The following UNC5C variants were observed in gnomAD, a reference collection of about 807,000 sequenced individuals.
The protein encoded by UNC5C is unc-5 netrin receptor C, also known as netrin receptor UNC5C.
In UNC5C, 47 loss-of-function variants were observed where a neutral mutation model predicts 99.8. The observed-to-expected ratio is 0.47, with a 90% CI of 0.37 to 0.60. The LOEUF is 0.60. Among genes scored for constraint, UNC5C ranks in the 20% least tolerant of loss-of-function variants. UNC5C has a pLI of 0.00. For synonymous variants in UNC5C, 487 were observed against 452.2 expected (o/e 1.08, Z -0.98); for missense variants, 1,062 against 1,165.9 (o/e 0.91, Z 1.30).
chr4:95,307,683 G>T (rs1222405242), intron 2 of UNC5C, among the ~76,000 whole-genome samples: 1 of 152,018 alleles, frequency 6.6e-6, no homozygotes, highest in Non-Finnish European at 1.5e-5. Context: ...AAAAGTACAG[G>T]CCAATAACCC....
chr4:95,501,027 A>C (rs1345453991), intron 1 of UNC5C, among the ~76,000 whole-genome samples: 1 of 152,146 alleles, frequency 6.6e-6, no homozygotes, highest in Non-Finnish European at 1.5e-5. Context: ...GTGTTAATAA[A>C]TATTTGTAGA....
chr4:95,505,959 T>A (rs902123428), intron 1 of UNC5C, among the ~76,000 whole-genome samples: 2 of 152,144 alleles, frequency 1.3e-5, no homozygotes, highest in African/African-American at 4.8e-5. Flanking sequence ...TCTAAAGGGT[T>A]TTTTTTATTG....
Position 95,326,079 on chromosome 4 carries a change from CAA to C in UNC5C, c.346+9329_346+9330del, listed in dbSNP as rs149999978. On this transcript the variant is annotated intron_variant, in intron 2 of 15. Transcript: ENST00000453304. ...CACTTCCTCATTAAGTGATTTGAGG[CAA>C]GTTTGTTTCTTCATCCTGCAGAGCC... is the stretch of plus-strand genomic sequence containing the variant. 1.5e-3 allele frequency among the ~76,000 whole-genome samples: 233 copies of C among 152,194 alleles called. 3 individuals are homozygous for C. In the East Asian group the frequency reaches 0.032, roughly 21 times the overall value.
rs576956182 is a variant in UNC5C, at chr4:95,252,617, C to A, written c.595-1950G>T. Among the ~76,000 whole-genome samples, 8 of 152,238 alleles carry A rather than the reference C, an allele frequency of 5.3e-5. No individual in the cohort carries two copies. In the South Asian group the frequency reaches 1.2e-3, roughly 24 times the overall value. ...CTGCAGCTACATCCTTGAGACTGGACCTGAATTGACACTATTATAAATGGA... is the reference window on the plus strand; with the variant it reads ...CTGCAGCTACATCCTTGAGACTGGAACTGAATTGACACTATTATAAATGGA... On this transcript the variant is annotated intron_variant, in intron 4 of 15. Transcript: ENST00000453304.
intron 1 of UNC5C, among the ~76,000 whole-genome samples, chr4:95,360,875 A>T (rs1327157217): frequency 6.6e-6 from 1 of 152,220 alleles, no homozygotes; most frequent in Non-Finnish European, 1.5e-5. Flanking sequence ...GAAAGTAATT[A>T]CAAGGTTTTC....
At chr4:95,541,166 C>T (rs1369359147) in intron 1 of UNC5C, among the ~76,000 whole-genome samples, 1 of 152,132 alleles carries the variant, frequency 6.6e-6, no homozygotes, top group Non-Finnish European at 1.5e-5. Context: ...TCTGCAGTTT[C>T]AATTACCTGA....
intron 9 of UNC5C, among the ~76,000 whole-genome samples, chr4:95,216,776 T>G (rs982444079): frequency 6.6e-6 from 1 of 152,244 alleles, no homozygotes; most frequent in Admixed American, 6.5e-5. Flanking sequence ...TCGGTGCCCT[T>G]TGGCAGAACT....
intron 4 of UNC5C, among the ~76,000 whole-genome samples, chr4:95,261,895 G>C (rs1239906491): frequency 6.6e-6 from 1 of 152,082 alleles, no homozygotes; most frequent in Non-Finnish European, 1.5e-5. Context: ...ACTAGAGATG[G>C]GGTTTCACCG....
At chr4:95,454,682 T>G (rs887822112) in intron 1 of UNC5C, among the ~76,000 whole-genome samples, 1 of 152,016 alleles carries the variant, frequency 6.6e-6, no homozygotes, top group South Asian at 2.1e-4. Context: ...AGGAGTACTA[T>G]AAAATTAGCT....
intron 2 of UNC5C, among the ~76,000 whole-genome samples, chr4:95,329,825 A>T (rs976723430): frequency 6.6e-6 from 1 of 152,082 alleles, no homozygotes; most frequent in African/African-American, 2.4e-5. Context: ...TTCCTGTAAG[A>T]CTTATAGATT....
chr4:95,401,205 C>T (rs1284934535), intron 1 of UNC5C, among the ~76,000 whole-genome samples: 1 of 152,116 alleles, frequency 6.6e-6, no homozygotes, highest in African/African-American at 2.4e-5. Context: ...ATGTGCAATA[C>T]AGGAGGCATA....
intron 1 of UNC5C, among the ~76,000 whole-genome samples, chr4:95,349,478 G>T (rs1398465062): frequency 6.7e-6 from 1 of 150,066 alleles, no homozygotes; most frequent in Non-Finnish European, 1.5e-5. Context: ...TGGGGAAAAG[G>T]ACTGGAGGGC....
intron 1 of UNC5C, among the ~76,000 whole-genome samples, chr4:95,382,345 C>T (rs894219950): frequency 2.6e-5 from 4 of 151,586 alleles, no homozygotes; most frequent in African/African-American, 4.8e-5. Context: ...TAGTGGCATG[C>T]GCATGTACTC....
At chr4:95,245,340 A>T (rs1739465365) in intron 5 of UNC5C, among the ~76,000 whole-genome samples, 196 bp from the exon 6 acceptor site, 2 of 152,218 alleles carry the variant, frequency 1.3e-5, no homozygotes, top group Admixed American at 6.5e-5. Context: ...AGAGAAAAAA[A>T]AAAGTTTGTC....
intron 1 of UNC5C, among the ~76,000 whole-genome samples, chr4:95,540,404 T>C (rs1219053062): frequency 6.6e-6 from 1 of 152,196 alleles, no homozygotes. Flanking sequence ...AATGGGCTTC[T>C]GTTTTCCACC....
In UNC5C at chr4:95,163,300, C is replaced by A. The variant is rs1000140463; in HGVS notation, c.*5934G>T. On this transcript the variant is annotated 3_prime_UTR_variant, in exon 16 of 16. Transcript: ENST00000453304. ...GGATAGAAAAGGCAAAGGTATTTTA[C>A]ACCAGCTGTAGATTTCTTGCTCTTA... The A allele has an allele frequency of 6.6e-6, 1 of 152,164 alleles. No homozygotes were observed. Among genetic ancestry groups the A allele is most frequent in the Non-Finnish European group, 1.5e-5 (1 of 68,044 alleles). The allele number at this position is 152,164 out of a possible 1,614,324, so 9.4% of individuals were successfully genotyped here. A position where few individuals can be genotyped will look rare whatever the true frequency, so the allele number is the denominator to read the frequency against.
intron 1 of UNC5C, among the ~76,000 whole-genome samples, chr4:95,471,153 G>A (rs1455680061): frequency 1.3e-5 from 2 of 151,966 alleles, no homozygotes; most frequent in Non-Finnish European, 2.9e-5. Context: ...GGGGTGGTAA[G>A]CCGTTACTGA....
At chr4:95,497,743 T>C (rs1031290602) in intron 1 of UNC5C, among the ~76,000 whole-genome samples, 54 of 152,044 alleles carry the variant, frequency 3.6e-4, no homozygotes, top group African/African-American at 1.3e-3. Flanking sequence ...ATAATTATAA[T>C]GGTATTAGAG....
At chr4:95,535,524 A>G (rs1157215426) in intron 1 of UNC5C, among the ~76,000 whole-genome samples, 4 of 152,186 alleles carry the variant, frequency 2.6e-5, no homozygotes, top group South Asian at 2.1e-4. Context: ...TTCACTTTTG[A>G]TGACGCTGTT....
Sources: gnomAD v4.1 joint callset for allele counts (sites outside exome capture counted in the v4.1 genomes callset) on GRCh38, gnomAD v4.1.1 for gene constraint, MANE v1.5 for transcripts, NCBI Gene and HGNC (gene_info 2026-07-23, HGNC 2026-07-21) for gene names.